FMO2: variants seen among roughly 807,000 people sequenced by gnomAD.
FMO2 encodes flavin containing dimethylaniline monoxygenase 2.
In FMO2, 33 loss-of-function variants were observed where a neutral mutation model predicts 41.6. The observed-to-expected ratio is 0.79, with a 90% CI of 0.60 to 1.06. FMO2 has a LOEUF of 1.06. Among genes scored for constraint, FMO2 ranks in the 50% least tolerant of loss-of-function variants. FMO2 has a pLI of 0.00. For missense variants in FMO2, 619 were observed against 632.9 expected (o/e 0.98, Z 0.23); for synonymous variants, 214 against 219.6 (o/e 0.97, Z 0.23).
intron 6 of FMO2, among the ~76,000 whole-genome samples, chr1:171,204,401 C>T (rs1455615929): frequency 6.6e-6 from 1 of 152,142 alleles, no homozygotes; most frequent in Non-Finnish European, 1.5e-5. Context: ...ATGTAATTCT[C>T]CATCTAATAA....
chr1:171,189,980 G>T (rs761945382), intron 2 of FMO2, among the ~76,000 whole-genome samples: 4 of 152,246 alleles, frequency 2.6e-5, no homozygotes, highest in Non-Finnish European at 4.4e-5. Flanking sequence ...TATTCTTAAA[G>T]AAAGGCAATT....
rs28369843 is a variant in FMO2 at position 171,192,618 on chromosome 1, T to G, written c.133-717T>G. ...ACTAAAAAATACACACAAAAAAAAT[T>G]AGCCGGGCGTGGTGGCAGGCACCTG... On this transcript the variant is annotated intron_variant, in intron 2 of 8. Coordinates refer to ENST00000209929, the MANE Select transcript of FMO2 (RefSeq NM_001460.5). Among the ~76,000 whole-genome samples the G allele has an allele frequency of 8.2e-3, 1,242 of 151,776 alleles. 16 individuals carry two copies. The highest frequency in any genetic ancestry group is 0.028 in the African/African-American group (1,144 of 41,420).
In FMO2 at chr1:171,203,877, A is replaced by G. The variant is rs1324306073; in HGVS notation, c.640A>G (p.Thr214Ala). ...TTTTGCTTGCCAGGTTTTTATCAGC[A>G]CCAGGCATGGCACCTGGGTCATGAG... is the stretch of plus-strand genomic sequence containing the variant. ...SKNAAQVFIS[T>A]RHGTWVMSRI... The change falls in exon 6 of 9, where the codon ACC (threonine) becomes GCC (alanine). Residue 214 changes from threonine to alanine, a missense_variant. By Grantham distance (58) the Thr-to-Ala change is moderately conservative. Coordinates refer to ENST00000209929, the MANE Select transcript of FMO2 (RefSeq NM_001460.5). 1 of 1,613,368 alleles carries G rather than the reference A, an allele frequency of 6.2e-7. No individual in the cohort carries two copies. The highest frequency in any genetic ancestry group is 1.1e-5 in the South Asian group (1 of 91,058).
At position 171,212,499 on chromosome 1, in the gene FMO2, C is replaced by T. The variant is rs918477910; in HGVS notation, c.*3354C>T. Among the ~76,000 whole-genome samples the T allele has an allele frequency of 3.3e-5, 5 of 152,186 alleles. No individual in the cohort carries two copies. The highest frequency in any genetic ancestry group is 5.9e-5 in the Non-Finnish European group (4 of 68,036). Reference sequence around the variant, plus strand: ...TCTCTCCTTGTGATGGCTCCCTTTACTAACCTTTCTTTTAGCTATTCCCTT... The same window carrying T: ...TCTCTCCTTGTGATGGCTCCCTTTATTAACCTTTCTTTTAGCTATTCCCTT... On this transcript the variant is annotated 3_prime_UTR_variant, in exon 9 of 9. Coordinates refer to ENST00000209929, the MANE Select transcript of FMO2 (RefSeq NM_001460.5).
rs768494164 is a variant in FMO2 at position 171,208,932 on chromosome 1, C to T, written c.1395C>T (p.Phe465=). The T allele has an allele frequency of 6.8e-6, 11 of 1,613,790 alleles. No individual in the cohort carries two copies. The highest frequency in any genetic ancestry group is 3.3e-5 in the South Asian group (3 of 91,064). ...CTAAACTGGCTGTGAGACTCTATTT[C>T]GGACCCTGCAACTCCTATCAGTATC... ...KDPKLAVRLY[F]GPCNSYQYRL... Residue 465 remains phenylalanine (F), a synonymous_variant, in exon 9 of 9, where the codon TTC becomes TTT. Transcript: ENST00000209929.
At chr1:171,192,547 G>C (rs953731500) in intron 2 of FMO2, among the ~76,000 whole-genome samples, 7 of 152,022 alleles carry the variant, frequency 4.6e-5, no homozygotes, top group Non-Finnish European at 1.5e-5. Flanking sequence ...GGATCACGAG[G>C]TCAGGAGATT....
At chr1:171,199,690 A>T (rs1658457441) in intron 5 of FMO2, among the ~76,000 whole-genome samples, 1 of 152,138 alleles carries the variant, frequency 6.6e-6, no homozygotes. Flanking sequence ...TCCTAGAGTG[A>T]TTCATTTCAC....
chr1:171,205,167 C>G (rs1034697663), intron 6 of FMO2, 112 bp from the exon 7 acceptor site: 2 of 605,956 alleles, frequency 3.3e-6, no homozygotes, highest in African/African-American at 3.7e-5. Context: ...TAGAGTTTTA[C>G]AGATATTTGA....
chr1:171,203,152 G>A (rs1269225033), intron 5 of FMO2, among the ~76,000 whole-genome samples: 1 of 152,038 alleles, frequency 6.6e-6, no homozygotes, highest in Non-Finnish European at 1.5e-5. Context: ...AGACCGACCT[G>A]GGCAACATAA....
At chr1:171,196,980 T>G (rs1487509280) in intron 4 of FMO2, among the ~76,000 whole-genome samples, 169 bp downstream of exon 4, 2 of 152,192 alleles carry the variant, frequency 1.3e-5, no homozygotes. Flanking sequence ...TTGTTTCTAT[T>G]GGCCTCTGAG....
chr1:171,185,852 G>A lies in FMO2; in HGVS notation c.132+7G>A. On this transcript the variant is annotated splice_region_variant and intron_variant, in intron 2 of 8. Transcript: ENST00000209929. ...AGGAGTGTGGAGGTTCAAAGTAAGT[G>A]AGATTTTCTTGGGTCTTGAACAGGT... 6.2e-7 allele frequency: 1 copy of A among 1,613,484 alleles called. No homozygotes were observed. The highest frequency in any genetic ancestry group is 1.1e-5 in the South Asian group (1 of 91,022).
chr1:171,199,297 G>A (rs375502127), intron 4 of FMO2, 49 bp from the exon 5 acceptor site: 1 of 1,489,594 alleles, frequency 6.7e-7, no homozygotes, highest in African/African-American at 1.4e-5. Context: ...AAATTAGCTT[G>A]ACATAGTTGC....
chr1:171,191,145 CAA>C (rs112739307), intron 2 of FMO2, among the ~76,000 whole-genome samples: 11 of 142,182 alleles, frequency 7.7e-5, no homozygotes, highest in Admixed American at 2.1e-4. Flanking sequence ...AATTCTGTCT[CAA>C]AAAAAAAAAA....
rs545776411 is a variant in FMO2 at position 171,208,377 on chromosome 1, C to T, written c.1257-417C>T. 6.6e-5 allele frequency among the ~76,000 whole-genome samples: 10 copies of T among 152,198 alleles called. No individual in the cohort carries two copies. The South Asian group carries it at 1.7e-3, about 25-fold the overall frequency. ...TAAGATTGATTGAGTATCTACTATA[C>T]GCCATCCAGACTGCCAGGTACTTTA... On this transcript the variant is annotated intron_variant, in intron 8 of 8. Coordinates refer to ENST00000209929, the MANE Select transcript of FMO2 (RefSeq NM_001460.5).
intron 4 of FMO2, among the ~76,000 whole-genome samples, chr1:171,197,558 A>T (rs1658354430): frequency 6.6e-6 from 1 of 152,076 alleles, no homozygotes; most frequent in South Asian, 2.1e-4. Flanking sequence ...GCTAGGCCCC[A>T]CCCTCCATAT....
chr1:171,192,706 C>A (rs1424061312), intron 2 of FMO2, among the ~76,000 whole-genome samples: 2 of 146,428 alleles, frequency 1.4e-5, no homozygotes, highest in Non-Finnish European at 3.0e-5. Context: ...GCGGAGCTTG[C>A]AGTGAGCCAA....
chr1:171,205,228 A>G (rs754611570), intron 6 of FMO2, 51 bp from the exon 7 acceptor site: 1 of 1,198,696 alleles, frequency 8.3e-7, no homozygotes, highest in Non-Finnish European at 1.2e-6. Flanking sequence ...AGAGGGTTCA[A>G]GATTCCTCAG....
chr1:171,201,779 A>G (rs763688929), intron 5 of FMO2, among the ~76,000 whole-genome samples: 1 of 152,192 alleles, frequency 6.6e-6, no homozygotes, highest in African/African-American at 2.4e-5. Flanking sequence ...GAAACTAACA[A>G]TCATGACGGA....
At chr1:171,202,974 G>A (rs1658594182) in intron 5 of FMO2, among the ~76,000 whole-genome samples, 1 of 152,104 alleles carries the variant, frequency 6.6e-6, no homozygotes, top group South Asian at 2.1e-4. Context: ...ACAAGGTAAA[G>A]AATACACCTG....
Sources: gnomAD v4.1 joint callset for allele counts (sites outside exome capture counted in the v4.1 genomes callset) on GRCh38, gnomAD v4.1.1 for gene constraint, MANE v1.5 for transcripts, NCBI Gene and HGNC (gene_info 2026-07-23, HGNC 2026-07-21) for gene names.